Variants in NPAS3 observed in about 807,000 individuals in gnomAD.
NPAS3 encodes neuronal PAS domain protein 3.
A neutral mutation model predicts 73.1 loss-of-function variants in NPAS3; 14 were observed. That is an observed-to-expected ratio of 0.19 (90% CI 0.13 to 0.30). The LOEUF is 0.30. NPAS3 is among the 10% of genes least tolerant of loss of function. NPAS3 has a pLI of 1.00. For missense variants in NPAS3, 1,096 were observed against 1,250.0 expected (o/e 0.88, Z 1.86); for synonymous variants, 620 against 541.5 (o/e 1.14, Z -2.01).
chr14:33,345,050 T>A (rs1388380307), intron 3 of NPAS3, among the ~76,000 whole-genome samples: 1 of 152,226 alleles, frequency 6.6e-6, no homozygotes, highest in Non-Finnish European at 1.5e-5. Context: ...ACCTCCTTTT[T>A]ATTCCTTCTC....
intron 4 of NPAS3, among the ~76,000 whole-genome samples, chr14:33,391,004 T>C (rs1474211900): frequency 6.6e-6 from 1 of 152,162 alleles, no homozygotes; most frequent in Non-Finnish European, 1.5e-5. Flanking sequence ...GCAGATTTTG[T>C]CCTTTAGGTA....
chr14:33,185,712 C>A (rs1228767113), intron 2 of NPAS3, among the ~76,000 whole-genome samples: 2 of 152,066 alleles, frequency 1.3e-5, no homozygotes, highest in Non-Finnish European at 2.9e-5. Context: ...GTTTAGTGGA[C>A]CTTATTGTAA....
chr14:33,093,928 T>A (rs1468526719), intron 2 of NPAS3, among the ~76,000 whole-genome samples: 3 of 151,790 alleles, frequency 2.0e-5, no homozygotes, highest in African/African-American at 4.8e-5. Flanking sequence ...ATGGGAACAC[T>A]TGGACATGGG....
chr14:33,755,528 G>A (rs193103765), intron 7 of NPAS3, among the ~76,000 whole-genome samples: 2 of 152,164 alleles, frequency 1.3e-5, no homozygotes, highest in African/African-American at 4.8e-5. Context: ...CGGGGGAAAG[G>A]ATTATATAGG....
intron 2 of NPAS3, among the ~76,000 whole-genome samples, chr14:33,111,441 T>G (rs956185085): frequency 2.0e-5 from 3 of 152,154 alleles, no homozygotes; most frequent in Non-Finnish European, 4.4e-5. Flanking sequence ...ATAGCCCTAT[T>G]ATCATATTGG....
intron 4 of NPAS3, among the ~76,000 whole-genome samples, chr14:33,464,542 C>G (rs1367641506): frequency 6.6e-6 from 1 of 152,104 alleles, no homozygotes; most frequent in Non-Finnish European, 1.5e-5. Flanking sequence ...AGAGATCGAC[C>G]CCTCCTAATT....
At chr14:33,426,961 T>C (rs1005881730) in intron 4 of NPAS3, among the ~76,000 whole-genome samples, 1 of 152,038 alleles carries the variant, frequency 6.6e-6, no homozygotes, top group African/African-American at 2.4e-5. Context: ...CCTTGACTGC[T>C]TTTTGACCTG....
chr14:33,127,797 CTG>C (rs2043484038), intron 2 of NPAS3, among the ~76,000 whole-genome samples: 1 of 152,168 alleles, frequency 6.6e-6, no homozygotes, highest in Non-Finnish European at 1.5e-5. Flanking sequence ...AATCCTTACT[CTG>C]TGAATAAACA....
At chr14:33,306,385 C>A (rs561389051) in intron 3 of NPAS3, among the ~76,000 whole-genome samples, 1 of 152,312 alleles carries the variant, frequency 6.6e-6, no homozygotes, top group Admixed American at 6.5e-5. Context: ...TGCAATTTAA[C>A]TCAACATTTG....
chr14:33,183,257 C>T (rs1472137219), intron 2 of NPAS3, among the ~76,000 whole-genome samples: 1 of 151,882 alleles, frequency 6.6e-6, no homozygotes, highest in Admixed American at 6.6e-5. Flanking sequence ...GAAACCCCGT[C>T]TCTACGAAAA....
intron 5 of NPAS3, among the ~76,000 whole-genome samples, chr14:33,634,679 G>A (rs998015944): frequency 6.6e-6 from 1 of 152,216 alleles, no homozygotes; most frequent in South Asian, 2.1e-4. Context: ...TGGGGGAATA[G>A]GTTTGGGGAT....
intron 4 of NPAS3, among the ~76,000 whole-genome samples, chr14:33,475,134 T>C (rs527818085): frequency 2.3e-4 from 35 of 152,202 alleles, no homozygotes; most frequent in African/African-American, 8.4e-4. Flanking sequence ...GTTCAGGACA[T>C]ATCGAGTCAT....
chr14:33,701,515 T>C (rs1460788933), intron 6 of NPAS3, among the ~76,000 whole-genome samples: 1 of 152,240 alleles, frequency 6.6e-6, no homozygotes, highest in Admixed American at 6.5e-5. Flanking sequence ...TGGGAATTAC[T>C]GTTTCAGTAG....
intron 5 of NPAS3, among the ~76,000 whole-genome samples, chr14:33,606,207 A>T (rs1220728377): frequency 2.7e-5 from 4 of 147,894 alleles, no homozygotes; most frequent in Admixed American, 6.8e-5. Context: ...TATCTCCTAA[A>T]GCTATCCCTC....
upstream of NPAS3, chr14:32,939,254 C>T: frequency 3.1e-6 from 2 of 653,406 alleles, no homozygotes; most frequent in South Asian, 1.5e-5. Context: ...CGCCCGCCCA[C>T]GCCCCCCACC....
At chr14:33,370,989 G>A (rs907454047) in intron 4 of NPAS3, among the ~76,000 whole-genome samples, 1 of 152,146 alleles carries the variant, frequency 6.6e-6, no homozygotes, top group Non-Finnish European at 1.5e-5. Context: ...CTGATCACTG[G>A]TGTATAGATG....
intron 3 of NPAS3, among the ~76,000 whole-genome samples, chr14:33,218,955 T>C (rs2047324178): frequency 6.6e-6 from 1 of 152,186 alleles, no homozygotes; most frequent in Admixed American, 6.5e-5. Context: ...ATGTAATATG[T>C]CCCAAGTCAA....
At chr14:33,716,428 A>ATTT (rs2060959316) in intron 6 of NPAS3, among the ~76,000 whole-genome samples, 1 of 151,906 alleles carries the variant, frequency 6.6e-6, no homozygotes. Flanking sequence ...TTAGTATGTC[A>ATTT]TGTTTCATTA....
intron 3 of NPAS3, among the ~76,000 whole-genome samples, chr14:33,363,988 T>C (rs550881021): frequency 1.2e-3 from 176 of 151,998 alleles, no homozygotes; most frequent in African/African-American, 4.1e-3. Flanking sequence ...TAGTGTTCTT[T>C]AAATTTCAGA....
Sources: allele counts gnomAD v4.1 joint callset (sites outside exome capture counted in the v4.1 genomes callset), GRCh38; gene constraint gnomAD v4.1.1; transcripts MANE v1.5; gene names NCBI Gene and HGNC (gene_info 2026-07-23, HGNC 2026-07-21).